Variants in GRK5 observed in about 807,000 individuals in gnomAD.
GRK5 encodes g protein-coupled receptor kinase GRK5.
Under a neutral mutation model 78.4 loss-of-function variants are expected in GRK5, and 40 were observed. That is an observed-to-expected ratio of 0.51 (90% confidence interval 0.40 to 0.66). The LOEUF is 0.66. Among genes scored for constraint, GRK5 ranks in the 30% least tolerant of loss-of-function variants. The pLI is 0.00. For synonymous variants in GRK5, 289 were observed against 296.8 expected, an observed-to-expected ratio of 0.97 and a Z score of 0.27; for missense variants, 598 against 759.9, an observed-to-expected ratio of 0.79 and a Z score of 2.50.
chr10:119,338,423 T>C (rs1271933804), intron 2 of GRK5, among the ~76,000 whole-genome samples: 2 of 152,222 alleles, frequency 1.3e-5, no homozygotes, highest in East Asian at 3.8e-4. Context: ...GACAGAGCCA[T>C]AGTTAACGCC....
At chr10:119,325,923 G>A (rs1850669666) in intron 1 of GRK5, among the ~76,000 whole-genome samples, 1 of 152,250 alleles carries the variant, frequency 6.6e-6, no homozygotes, top group African/African-American at 2.4e-5. Flanking sequence ...CACTGGGGAG[G>A]ATGTGAGGCA....
chr10:119,308,034 C>T (rs1215197646), intron 1 of GRK5, among the ~76,000 whole-genome samples: 1 of 152,188 alleles, frequency 6.6e-6, no homozygotes, highest in Non-Finnish European at 1.5e-5. Flanking sequence ...GCACCCACCT[C>T]TCCAGGCATC....
At chr10:119,417,977 C>T (rs1000090481) in intron 4 of GRK5, among the ~76,000 whole-genome samples, 1 of 152,162 alleles carries the variant, frequency 6.6e-6, no homozygotes, top group African/African-American at 2.4e-5. Flanking sequence ...ATCCCCAGAA[C>T]CAGTGGCATA....
intron 1 of GRK5, among the ~76,000 whole-genome samples, chr10:119,234,265 G>C (rs1039483258): frequency 1.3e-5 from 2 of 152,222 alleles, no homozygotes; most frequent in Non-Finnish European, 2.9e-5. Context: ...GTTGATGGAA[G>C]AGCCAGGGTT....
rs1364888363 is a variant in GRK5 at position 119,452,176 on chromosome 10, C to G, written c.1405-495C>G. ...TGGCCAGCACTGACAGCAGCCCCAT[C>G]GCCCAGGTGCCTCGTTGTCCCCATT... is the stretch of plus-strand genomic sequence containing the variant. On this transcript the variant is annotated intron_variant, in intron 13 of 15. Transcript: ENST00000392870. The surrounding 1 kb of genome is among the most constrained non-coding windows in gnomAD (Gnocchi z 4.4). Among the ~76,000 whole-genome samples the G allele has an allele frequency of 6.6e-6, 1 of 152,244 alleles. No individual in the cohort carries two copies. Among genetic ancestry groups the G allele is most frequent in the South Asian group, 2.1e-4 (1 of 4,836 alleles).
intron 2 of GRK5, among the ~76,000 whole-genome samples, chr10:119,344,903 T>TA (rs1851056484): frequency 7.3e-6 from 1 of 136,186 alleles, no homozygotes; most frequent in Non-Finnish European, 1.6e-5. Context: ...CCTTCCTTCC[T>TA]TCCTTCCTTC....
At chr10:119,413,251 TTTAA>T (rs1381060842) in intron 4 of GRK5, among the ~76,000 whole-genome samples, 1 of 151,678 alleles carries the variant, frequency 6.6e-6, no homozygotes, top group Non-Finnish European at 1.5e-5. Flanking sequence ...TCCATCTGGT[TTTAA>T]TTAAGAAAAT....
intron 3 of GRK5, among the ~76,000 whole-genome samples, chr10:119,394,116 GTGT>G (rs983578088): frequency 3.1e-3 from 38 of 12,200 alleles, no homozygotes; most frequent in Admixed American, 6.6e-3. Context: ...TGTGTGGGGG[GTGT>G]GTGTGTGTGT....
chr10:119,261,999 T>C (rs1329797054), intron 1 of GRK5, among the ~76,000 whole-genome samples: 1 of 152,252 alleles, frequency 6.6e-6, no homozygotes, highest in Non-Finnish European at 1.5e-5. Context: ...GAAGTCAAAA[T>C]TGACCTAATG....
chr10:119,300,655 C>T (rs1472728348), intron 1 of GRK5, among the ~76,000 whole-genome samples: 1 of 152,240 alleles, frequency 6.6e-6, no homozygotes, highest in East Asian at 1.9e-4. Context: ...GAGATGATCT[C>T]ACCTGCCTTT....
chr10:119,207,782 C>A lies in GRK5; in HGVS notation c.-136C>A. ...TCTTGGGCTGAGAGCAGGAATAATG[C>A]GGTAGGCAAGGCGGGCTGCTGGCTC... On this transcript the variant is annotated 5_prime_UTR_variant, in exon 1 of 16. Coordinates refer to ENST00000392870, the MANE Select transcript of GRK5 (RefSeq NM_005308.3). 1 of 793,420 alleles carries A rather than the reference C, an allele frequency of 1.3e-6. No individual in the cohort carries two copies. Among genetic ancestry groups the A allele is most frequent in the Non-Finnish European group, 2.0e-6 (1 of 511,608 alleles). The allele number at this position is 793,420 out of a possible 1,614,324, so 49.1% of individuals were successfully genotyped here. A position where few individuals can be genotyped will look rare whatever the true frequency, so the allele number is the denominator to read the frequency against.
intron 10 of GRK5, 103 bp downstream of exon 10, chr10:119,439,871 G>T (rs1302725138): frequency 1.9e-6 from 2 of 1,071,894 alleles, no homozygotes; most frequent in Non-Finnish European, 2.9e-6. Context: ...CTGACCACGG[G>T]CCCCACTCCC....
At chr10:119,387,379 G>C (rs906518673) in intron 3 of GRK5, among the ~76,000 whole-genome samples, 5 of 152,184 alleles carry the variant, frequency 3.3e-5, no homozygotes, top group African/African-American at 1.2e-4. Context: ...CGGCCCAGGT[G>C]ATTTTCTGGG....
intron 1 of GRK5, among the ~76,000 whole-genome samples, chr10:119,282,292 C>G (rs78802725): frequency 2.0e-5 from 3 of 152,348 alleles, no homozygotes; most frequent in East Asian, 3.9e-4. Context: ...CTGGACCATT[C>G]TCCCAGGTCT....
At chr10:119,398,247 C>T (rs1852090396) in intron 4 of GRK5, among the ~76,000 whole-genome samples, 2 of 152,188 alleles carry the variant, frequency 1.3e-5, no homozygotes, top group Admixed American at 1.3e-4. Context: ...TTTTGATCTC[C>T]TGGCCACCAC....
chr10:119,380,346 C>T (rs955890036), intron 2 of GRK5, among the ~76,000 whole-genome samples: 1 of 152,200 alleles, frequency 6.6e-6, no homozygotes, highest in Non-Finnish European at 1.5e-5. Context: ...GTGTCAAGAA[C>T]ACTGCTGCAG....
rs1374626747 is a variant in GRK5, at chr10:119,452,620, A to G, written c.1405-51A>G. 1 of 1,609,634 alleles carries G rather than the reference A, an allele frequency of 6.2e-7. No homozygotes were observed. The highest frequency in any genetic ancestry group is 8.5e-7 in the Non-Finnish European group (1 of 1,177,734). On this transcript the variant is annotated intron_variant, in intron 13 of 15. Transcript: ENST00000392870. The surrounding 1 kb of genome is among the most constrained non-coding windows in gnomAD (Gnocchi z 4.4). The stretch of plus-strand genomic sequence containing the variant: ...AAACCCCAAGGCCTGGCTCGGGGCC[A>G]CTGGAGCCGCAGGCGGGACATATGT...
At chr10:119,415,497 G>A (rs1186197573) in intron 4 of GRK5, among the ~76,000 whole-genome samples, 1 of 152,184 alleles carries the variant, frequency 6.6e-6, no homozygotes, top group Non-Finnish European at 1.5e-5. Flanking sequence ...AAACTCCTTT[G>A]GGGACCATTG....
In GRK5 at chr10:119,292,007, C is replaced by CCTT. The variant is rs1564879556; in HGVS notation, c.53-34506_53-34504dup. Reference sequence around the variant, plus strand: ...TCCTCCTTCTTCTCCTCCTCTTCCTCCTTCTCCTCCTCTTCCTCCTTCTTC... The same window carrying CCTT: ...TCCTCCTTCTTCTCCTCCTCTTCCTCCTTCTTCTCCTCCTCTTCCTCCTTCTTC... On this transcript the variant is annotated intron_variant, in intron 1 of 15. Coordinates refer to ENST00000392870, the MANE Select transcript of GRK5 (RefSeq NM_005308.3). Among the ~76,000 whole-genome samples, 8 of 128,638 alleles carry CCTT rather than the reference C, an allele frequency of 6.2e-5. No individual in the cohort carries two copies. The East Asian group carries it at 7.9e-4, about 13-fold the overall frequency. 84.4% of individuals were successfully genotyped at this position (128,638 alleles called of 152,430 possible). A position where few individuals can be genotyped will look rare whatever the true frequency, so the allele number is the denominator to read the frequency against.
Sources: allele counts gnomAD v4.1 joint callset (sites outside exome capture counted in the v4.1 genomes callset), GRCh38; gene constraint gnomAD v4.1.1; non-coding constraint Gnocchi (gnomAD v3.1); transcripts MANE v1.5; gene names NCBI Gene and HGNC (gene_info 2026-07-23, HGNC 2026-07-21).